MYO16: variants seen among roughly 807,000 people sequenced by gnomAD.
MYO16 encodes the protein myosin XVI.
MYO16 carries 94 observed loss-of-function variants against 205.3 expected under a neutral mutation model. That is an observed-to-expected ratio of 0.46 (90% CI 0.39 to 0.54). The LOEUF (loss-of-function observed/expected upper bound fraction) is 0.54, where lower values mean the gene tolerates loss of function less well. MYO16 is among the 20% of genes least tolerant of loss of function. MYO16 has a pLI of 0.00. For synonymous variants in MYO16, 988 were observed against 954.0 expected, an observed-to-expected ratio of 1.04 and a Z score of -0.66; for missense variants, 2,315 against 2,387.5, an observed-to-expected ratio of 0.97 and a Z score of 0.63.
chr13:108,858,456 GC>G (rs1878302117), intron 11 of MYO16, among the ~76,000 whole-genome samples: 1 of 152,020 alleles, frequency 6.6e-6, no homozygotes, highest in South Asian at 2.1e-4. Context: ...GCTCATGGCA[GC>G]CCCACTCTTG....
intron 20 of MYO16, among the ~76,000 whole-genome samples, chr13:108,973,416 A>G (rs1248797390): frequency 6.6e-6 from 1 of 152,234 alleles, no homozygotes; most frequent in South Asian, 2.1e-4. Flanking sequence ...CAATGATTCA[A>G]TTCCTGAAAT....
At chr13:108,976,720 G>T (rs1445564764) in intron 20 of MYO16, among the ~76,000 whole-genome samples, 3 of 152,110 alleles carry the variant, frequency 2.0e-5, no homozygotes, top group Non-Finnish European at 4.4e-5. Flanking sequence ...CTGTGCATTT[G>T]TGAGAAAATA....
rs1244385839 is a variant in MYO16 at position 109,022,753 on chromosome 13, AAC to A, written c.2796+2846_2796+2847del. 1.5e-3 allele frequency among the ~76,000 whole-genome samples: 195 copies of A among 130,828 alleles called. 1 individual carries two copies. Among genetic ancestry groups the A allele is most frequent in the African/African-American group, 5.2e-3 (186 of 35,718 alleles). 85.8% of individuals were successfully genotyped at this position (130,828 alleles called of 152,430 possible). A position where few individuals can be genotyped will look rare whatever the true frequency, so the allele number is the denominator to read the frequency against. ...TGTATATATTATATATATGCATATA[AAC>A]ACATGTATATATTTATATATTATAT... is the stretch of plus-strand genomic sequence containing the variant. On this transcript the variant is annotated intron_variant, in intron 23 of 34. Coordinates refer to ENST00000457511, the MANE Select transcript of MYO16 (RefSeq NM_001198950.3).
intron 9 of MYO16, among the ~76,000 whole-genome samples, chr13:108,827,214 C>A (rs190961194): frequency 2.6e-5 from 4 of 152,284 alleles, no homozygotes; most frequent in Non-Finnish European, 5.9e-5. Context: ...TTAACCCCAG[C>A]TTCCTATTCC....
At position 109,165,029 on chromosome 13, in the gene MYO16, A is replaced by C. The variant is rs748381322; in HGVS notation, c.5293A>C (p.Thr1765Pro). ...ATCTAATTCACTATCTAGTGCTATA[A>C]CTGCTGAAAATGGAAATTCCATCTC... Reference protein sequence around the residue: ...QLSNSLSSAITAENGNSISNG... With the variant: ...QLSNSLSSAIPAENGNSISNG... Residue 1765 changes from threonine to proline, a missense_variant, in exon 33 of 35, where the codon ACT becomes CCT. Coordinates refer to ENST00000457511, the MANE Select transcript of MYO16 (RefSeq NM_001198950.3). 6.3e-7 allele frequency: 1 copy of C among 1,595,312 alleles called. No homozygotes were observed. The highest frequency in any genetic ancestry group is 8.5e-7 in the Non-Finnish European group (1 of 1,173,516).
Position 109,055,314 on chromosome 13 carries a change from T to G in MYO16, c.3130-76T>G. On this transcript the variant is annotated intron_variant, in intron 26 of 34. Transcript: ENST00000457511. The surrounding 1 kb of genome is among the most constrained non-coding windows in gnomAD (Gnocchi z 5.0). Reference sequence around the variant, plus strand: ...ATGAGATTTAAAGACGTAAAGACTTTTTATTTAAAAACTGCTTTATATTTT... The same window carrying G: ...ATGAGATTTAAAGACGTAAAGACTTGTTATTTAAAAACTGCTTTATATTTT... 3.9e-6 allele frequency: 5 copies of G among 1,282,136 alleles called. No homozygotes were observed. The highest frequency in any genetic ancestry group is 5.4e-6 in the Non-Finnish European group (5 of 920,222). The allele number at this position is 1,282,136 out of a possible 1,614,324, so 79.4% of individuals were successfully genotyped here. A position where few individuals can be genotyped will look rare whatever the true frequency, so the allele number is the denominator to read the frequency against.
chr13:108,579,586 G>A, the MYO16 span, among the ~76,000 whole-genome samples: 8,921 of 151,716 alleles, frequency 0.059, 336 homozygotes, highest in Admixed American at 0.11. Flanking sequence ...GATTACAGGC[G>A]CCCTCCATCA....
intron 1 of MYO16, among the ~76,000 whole-genome samples, chr13:108,618,904 T>G (rs1398674971): frequency 6.6e-6 from 1 of 152,202 alleles, no homozygotes; most frequent in Non-Finnish European, 1.5e-5. Flanking sequence ...AATGTATCTC[T>G]CTATATTTAT....
At chr13:108,926,465 T>C (rs1330436263) in intron 16 of MYO16, among the ~76,000 whole-genome samples, 2 of 152,074 alleles carry the variant, frequency 1.3e-5, no homozygotes, top group Admixed American at 6.5e-5. Context: ...CCCCAACATA[T>C]AACTGAAGAA....
chr13:108,520,387 A>G, the MYO16 span, among the ~76,000 whole-genome samples: 1 of 152,216 alleles, frequency 6.6e-6, no homozygotes, highest in Admixed American at 6.5e-5. Context: ...ATTTGAAAAA[A>G]ATCCAATTTA....
At chr13:109,185,584 G>A (rs1393619460) in intron 34 of MYO16, among the ~76,000 whole-genome samples, 1 of 152,110 alleles carries the variant, frequency 6.6e-6, no homozygotes, top group East Asian at 1.9e-4. Context: ...TATTATATGT[G>A]TGATTTTTAA....
intron 29 of MYO16, among the ~76,000 whole-genome samples, chr13:109,124,358 G>GTA (rs1460557215): frequency 1.3e-5 from 2 of 152,108 alleles, no homozygotes; most frequent in African/African-American, 2.4e-5. Flanking sequence ...TTGACCTGGA[G>GTA]GAACTTTCTT....
rs146030763 is a variant in MYO16, at chr13:109,060,051, G to C, written c.3335+4456G>C. On this transcript the variant is annotated intron_variant, in intron 27 of 34. Coordinates refer to ENST00000457511, the MANE Select transcript of MYO16 (RefSeq NM_001198950.3). ...ACACTGTTGGTGGCAGTGTAAATTA[G>C]TTCAACCATTGTGGAAGACAATATG... Among the ~76,000 whole-genome samples the C allele has an allele frequency of 2.1e-3, 317 of 152,236 alleles. 8 individuals carry two copies. The highest frequency in any genetic ancestry group is 0.019 in the Admixed American group (285 of 15,284).
Position 108,599,656 on chromosome 13 carries a change from G to A in MYO16, c.-39+3417G>A, listed in dbSNP as rs1878691278. Among the ~76,000 whole-genome samples the A allele has an allele frequency of 2.1e-5, 3 of 140,252 alleles. No individual in the cohort carries two copies. In the Admixed American group the frequency reaches 2.2e-4, roughly 10 times the overall value. 92.0% of individuals were successfully genotyped at this position (140,252 alleles called of 152,430 possible). ...GTGAAGAAGTAGAGCTATCTCAAAT[G>A]CATTAAAAAAAATATCAAATGCCCG... On this transcript the variant is annotated intron_variant, in intron 1 of 24. Transcript: ENST00000251041.
chr13:109,096,865 G>T (rs1319573371), intron 27 of MYO16, among the ~76,000 whole-genome samples: 1 of 152,206 alleles, frequency 6.6e-6, no homozygotes, highest in Non-Finnish European at 1.5e-5. Context: ...TGCTTGTTAG[G>T]TGACTTGCCA....
chr13:108,588,255 A>G, the MYO16 span, among the ~76,000 whole-genome samples: 2 of 152,166 alleles, frequency 1.3e-5, no homozygotes, highest in Non-Finnish European at 2.9e-5. Context: ...GTATGTCACA[A>G]TCAACGCTGC....
At chr13:108,922,945 G>T (rs1881813557) in intron 16 of MYO16, among the ~76,000 whole-genome samples, 1 of 152,152 alleles carries the variant, frequency 6.6e-6, no homozygotes. Flanking sequence ...GAAGCAGGTT[G>T]CTCCCCTTGC....
At chr13:108,875,008 T>G (rs1434695355) in intron 12 of MYO16, among the ~76,000 whole-genome samples, 2 of 152,104 alleles carry the variant, frequency 1.3e-5, no homozygotes, top group Non-Finnish European at 2.9e-5. Flanking sequence ...CATGGCAGGA[T>G]TCTGCAATCT....
At chr13:108,572,662 G>A in the MYO16 span, among the ~76,000 whole-genome samples, 38 of 152,012 alleles carry the variant, frequency 2.5e-4, no homozygotes, top group African/African-American at 6.3e-4. Context: ...TTCCTTTATC[G>A]TTTTTTTGTG....
Sources: gnomAD v4.1 joint callset for allele counts (sites outside exome capture counted in the v4.1 genomes callset) on GRCh38, gnomAD v4.1.1 for gene constraint, Gnocchi (gnomAD v3.1) non-coding constraint, MANE v1.5 for transcripts, NCBI Gene and HGNC (gene_info 2026-07-23, HGNC 2026-07-21) for gene names.